Variants in CNDP2 observed in about 807,000 individuals in gnomAD.
CNDP2 encodes the protein carnosine dipeptidase 2.
In CNDP2, 38 loss-of-function variants were observed where a neutral mutation model predicts 55.0. That is an observed-to-expected ratio of 0.69 (90% CI 0.53 to 0.90). The LOEUF (loss-of-function observed/expected upper bound fraction) is 0.90, where lower values mean the gene tolerates loss of function less well. Ranked by LOEUF, CNDP2 falls within the 40% of genes least tolerant of loss-of-function variation. CNDP2 has a pLI of 0.00. For synonymous variants in CNDP2, 241 were observed against 260.2 expected (o/e 0.93, Z 0.71); for missense variants, 607 against 621.7 (o/e 0.98, Z 0.25).
chr18:74,510,507 T>TC (rs1453007350), intron 5 of CNDP2, among the ~76,000 whole-genome samples: 1 of 152,134 alleles, frequency 6.6e-6, no homozygotes, highest in Non-Finnish European at 1.5e-5. Flanking sequence ...TAATCAGGAC[T>TC]CACGTGGTGT....
chr18:74,505,590 TTC>T (rs1208106649), intron 3 of CNDP2, among the ~76,000 whole-genome samples: 1 of 140,198 alleles, frequency 7.1e-6, no homozygotes, highest in Non-Finnish European at 1.5e-5. Flanking sequence ...CAGAGCAAGA[TTC>T]TGTCTCAAAA....
chr18:74,519,686 G>A (rs1246073745), intron 11 of CNDP2, among the ~76,000 whole-genome samples: 5 of 152,226 alleles, frequency 3.3e-5, no homozygotes, highest in Non-Finnish European at 1.5e-5. Flanking sequence ...ACCTGGCTGC[G>A]AGGACCAGTG....
intron 10 of CNDP2, 97 bp from the exon 11 acceptor site, chr18:74,518,852 C>G (rs954829774): frequency 6.5e-7 from 1 of 1,547,708 alleles, no homozygotes; most frequent in Admixed American, 1.7e-5. Context: ...GGGCCTTGCA[C>G]AGCATCTGAC....
At chr18:74,496,452 T>G (rs1040420229) in intron 1 of CNDP2, 21 bp downstream of exon 1, 13 of 152,418 alleles carry the variant, frequency 8.5e-5, no homozygotes, top group African/African-American at 3.1e-4. Flanking sequence ...CTGATGGACC[T>G]TCCTTCCCGG....
In CNDP2 at chr18:74,521,307, A is replaced by G. The variant is rs1259221285; in HGVS notation, c.*1239A>G. ...TGGAGGCTCACTCGTGGCCCCCTGC[A>G]TGTTCCGAGAAGTGTCCCTGTCTCT... is the stretch of plus-strand genomic sequence containing the variant. On this transcript the variant is annotated 3_prime_UTR_variant, in exon 12 of 12. Coordinates refer to ENST00000324262, the MANE Select transcript of CNDP2 (RefSeq NM_018235.3). 7.0e-6 allele frequency: 1 copy of G among 143,244 alleles called. No homozygotes were observed. The highest frequency in any genetic ancestry group is 1.5e-5 in the Non-Finnish European group (1 of 65,962). The allele number at this position is 143,244 out of a possible 1,614,324, so 8.9% of individuals were successfully genotyped here.
At chr18:74,499,731 G>A (rs1480047433) in intron 1 of CNDP2, 151 bp from the exon 2 acceptor site, 4 of 408,526 alleles carry the variant, frequency 9.8e-6, no homozygotes, top group Non-Finnish European at 1.7e-5. Flanking sequence ...AAGTAAAGAA[G>A]GGAAGTTTAG....
At chr18:74,501,226 G>T in intron 2 of CNDP2, 103 bp from the exon 3 acceptor site, 1 of 1,486,606 alleles carries the variant, frequency 6.7e-7, no homozygotes. Flanking sequence ...TTCAACTGCA[G>T]CAGCCACAGA....
chr18:74,508,945 G>A lies in CNDP2; in HGVS notation c.456+17G>A. On this transcript the variant is annotated intron_variant, in intron 5 of 11. Transcript: ENST00000324262. Reference sequence around the variant, plus strand: ...ACAGGCCAGGTATGCCCCCCACGCTGACTTCTGCCTGAGTCCTGGGTTCCA... The same window carrying A: ...ACAGGCCAGGTATGCCCCCCACGCTAACTTCTGCCTGAGTCCTGGGTTCCA... 2.5e-6 allele frequency: 4 copies of A among 1,609,372 alleles called. No homozygotes were observed. Among genetic ancestry groups the A allele is most frequent in the Non-Finnish European group, 3.4e-6 (4 of 1,176,160 alleles).
At chr18:74,516,122 T>G in intron 8 of CNDP2, 106 bp from the exon 9 acceptor site, 2 of 1,277,660 alleles carry the variant, frequency 1.6e-6, no homozygotes, top group South Asian at 2.9e-5. Flanking sequence ...GGCCAGGCCC[T>G]GTTTCATACC....
intron 3 of CNDP2, among the ~76,000 whole-genome samples, chr18:74,501,960 C>G (rs1978727900): frequency 1.3e-5 from 2 of 152,076 alleles, no homozygotes; most frequent in Admixed American, 6.6e-5. Context: ...GTGGCGTGAT[C>G]TCGGCCCACT....
chr18:74,510,685 G>A lies in CNDP2; in HGVS notation c.457-128G>A, dbSNP rs1298296473. On this transcript the variant is annotated intron_variant, in intron 5 of 11. Transcript: ENST00000324262. ...GTACCTGGGGAGGGGGTGATGACAG[G>A]TGCACACGGAGGCCCATGTGGTCTG... The A allele has an allele frequency of 9.0e-6, 7 of 780,342 alleles. 1 individual carries two copies. The South Asian group carries it at 1.2e-4, about 14-fold the overall frequency. The allele number at this position is 780,342 out of a possible 1,614,324, so 48.3% of individuals were successfully genotyped here.
intron 8 of CNDP2, among the ~76,000 whole-genome samples, chr18:74,514,017 G>T (rs979463521): frequency 2.0e-5 from 3 of 152,198 alleles, no homozygotes; most frequent in East Asian, 3.8e-4. Context: ...CCTCCTTACC[G>T]CTGGGCCCAG....
chr18:74,510,791 T>G (rs532245121), intron 5 of CNDP2, 22 bp from the exon 6 acceptor site: 1 of 1,601,984 alleles, frequency 6.2e-7, no homozygotes, highest in South Asian at 1.1e-5. Flanking sequence ...GAATATCCAC[T>G]CGTGCTGTTC....
chr18:74,508,843 A>C lies in CNDP2; in HGVS notation c.371A>C (p.Lys124Thr). Residue 124 changes from lysine to threonine, a missense_variant, in exon 5 of 12, where the codon AAG (lysine) becomes ACG (threonine). Transcript: ENST00000324262. ...AATTTGTGGATTGCTGTTCTAGGCAAGCTGTATGGGAGAGGTTCGACTGAT... is the reference window on the plus strand; with the variant it reads ...AATTTGTGGATTGCTGTTCTAGGCACGCTGTATGGGAGAGGTTCGACTGAT... ...EPFTLVERDG[K>T]LYGRGSTDDK... is the part of the protein sequence containing the mutation. 6.2e-7 allele frequency: 1 copy of C among 1,613,846 alleles called. No homozygotes were observed. Among genetic ancestry groups the C allele is most frequent in the Non-Finnish European group, 8.5e-7 (1 of 1,179,792 alleles).
In CNDP2 at chr18:74,516,243, C is replaced by G; in HGVS notation, c.919C>G (p.His307Asp). The change falls in exon 9 of 12, where the codon CAC becomes GAC. Residue 307 changes from histidine to aspartate, a missense_variant. By Grantham distance (81) the His-to-Asp change is moderately conservative (BLOSUM62 -1). Coordinates refer to ENST00000324262, the MANE Select transcript of CNDP2 (RefSeq NM_018235.3). ...LHSHKKDILMHRWRYPSLSLH... is the reference protein window; with the variant it reads ...LHSHKKDILMDRWRYPSLSLH... ...TTTTCTGCAGAAAGACATCCTCATG[C>G]ACCGATGGCGGTACCCGTCTCTGTC... The G allele has an allele frequency of 6.2e-7, 1 of 1,612,906 alleles. No homozygotes were observed. The highest frequency in any genetic ancestry group is 8.5e-7 in the Non-Finnish European group (1 of 1,179,314).
chr18:74,501,496 T>C, intron 3 of CNDP2, 24 bp downstream of exon 3: 1 of 1,607,764 alleles, frequency 6.2e-7, no homozygotes, highest in Non-Finnish European at 8.5e-7. Context: ...TTCTTTGCAT[T>C]GCAGGACCGT....
At chr18:74,518,367 CCCA>C (rs1430957866) in intron 9 of CNDP2, 129 bp from the exon 10 acceptor site, 1 of 882,644 alleles carries the variant, frequency 1.1e-6, no homozygotes, top group African/African-American at 1.7e-5. Context: ...TCAGCATAGA[CCCA>C]TCACAGACCT....
Position 74,501,086 on chromosome 18 carries a change from GT to G in CNDP2, c.61-240del, listed in dbSNP as rs1978667686. Reference sequence around the variant, plus strand: ...GATTTCACTTCCTTGTTTTTTTTTTGTTTGTTTTTAAACAGGTACTGAGTGT... The same window carrying G: ...GATTTCACTTCCTTGTTTTTTTTTTGTTGTTTTTAAACAGGTACTGAGTGT... On this transcript the variant is annotated intron_variant, in intron 2 of 11. Coordinates refer to ENST00000324262, the MANE Select transcript of CNDP2 (RefSeq NM_018235.3). 3.1e-5 allele frequency: 26 copies of G among 843,126 alleles called. No individual in the cohort carries two copies. The East Asian group carries it at 1.3e-3, about 42-fold the overall frequency. 52.2% of individuals were successfully genotyped at this position (843,126 alleles called of 1,614,324 possible). A position where few individuals can be genotyped will look rare whatever the true frequency, so the allele number is the denominator to read the frequency against.
intron 7 of CNDP2, 95 bp from the exon 8 acceptor site, chr18:74,513,448 GCCTGAGCCGCATCTCT>G: frequency 8.4e-7 from 1 of 1,191,204 alleles, no homozygotes; most frequent in Non-Finnish European, 1.1e-6. Context: ...TGGCTGTGGG[GCCTGAGCCGCATCTCT>G]CCTGAGCCTG....
Sources: gnomAD v4.1 joint callset for allele counts (sites outside exome capture counted in the v4.1 genomes callset) on GRCh38, gnomAD v4.1.1 for gene constraint, MANE v1.5 for transcripts, NCBI Gene and HGNC (gene_info 2026-07-23, HGNC 2026-07-21) for gene names.